KANK1: variants seen among roughly 807,000 people sequenced by gnomAD.
KANK1 encodes the protein KN motif and ankyrin repeat domains 1, also known as KN motif and ankyrin repeat domain-containing protein 1.
A neutral mutation model predicts 106.2 loss-of-function variants in KANK1; 109 were observed. The observed-to-expected ratio is 1.03, with a 90% CI of 0.88 to 1.20. The LOEUF (loss-of-function observed/expected upper bound fraction) is 1.20. Among genes scored for constraint, KANK1 ranks in the 50% most tolerant of loss-of-function variants. The pLI is 0.00. For missense variants in KANK1, 2,399 were observed against 1,710.7 expected, an observed-to-expected ratio of 1.40 and a Z score of -7.10; for synonymous variants, 873 against 652.2, an observed-to-expected ratio of 1.34 and a Z score of -5.16.
chr9:740,959 C>T, intron 9 of KANK1, 25 bp downstream of exon 9: 9 of 1,612,784 alleles, frequency 5.6e-6, no homozygotes, highest in Non-Finnish European at 7.6e-6. Flanking sequence ...TTCCTGTGCT[C>T]AGGAATGCAC....
In KANK1 at chr9:518,417, C is replaced by CTTAGTT. The variant is rs751368468; in HGVS notation, c.-84+13665_-84+13666insAGTTTT. Among the ~76,000 whole-genome samples, 5 of 151,722 alleles carry CTTAGTT rather than the reference C, an allele frequency of 3.3e-5. No individual in the cohort carries two copies. In the South Asian group the frequency reaches 6.2e-4, roughly 19 times the overall value. ...CCCCAGTGGCCCAGGGCAGTTTTTA[C>CTTAGTT]TTTACCGTTTCTTCCTGGCTTTTTA... On this transcript the variant is annotated intron_variant, in intron 1 of 11. Transcript: ENST00000382297.
chr9:538,604 G>A (rs2060428826), intron 1 of KANK1, among the ~76,000 whole-genome samples: 1 of 152,164 alleles, frequency 6.6e-6, no homozygotes, highest in South Asian at 2.1e-4. Context: ...TCAAACAGGT[G>A]GGTTTCAACA....
intron 7 of KANK1, among the ~76,000 whole-genome samples, chr9:737,674 G>C (rs1282248129): frequency 6.6e-6 from 1 of 152,214 alleles, no homozygotes; most frequent in African/African-American, 2.4e-5. Context: ...TTGAACAGTT[G>C]TATTTGGGAT....
At chr9:735,778 GA>G (rs1564117437) in intron 7 of KANK1, 5 of 419,278 alleles carry the variant, frequency 1.2e-5, no homozygotes, top group Middle Eastern at 3.7e-4. Context: ...TGGATCACAT[GA>G]GGTCTGGAGT....
intron 4 of KANK1, 116 bp from the exon 5 acceptor site, chr9:731,042 C>A (rs1412642613): frequency 2.0e-6 from 1 of 495,706 alleles, no homozygotes; most frequent in Non-Finnish European, 3.6e-6. Context: ...AAACTTCTCA[C>A]ATATATATGC....
In KANK1 at chr9:710,796, T is replaced by C. The variant is rs373722554; in HGVS notation, c.38-8T>C. 6.4e-7 allele frequency: 1 copy of C among 1,562,918 alleles called. No individual in the cohort carries two copies. Among genetic ancestry groups the C allele is most frequent in the Non-Finnish European group, 8.6e-7 (1 of 1,159,776 alleles). On this transcript the variant is annotated splice_region_variant and splice_polypyrimidine_tract_variant and intron_variant, in intron 2 of 11. Coordinates refer to ENST00000382297, the MANE Select transcript of KANK1 (RefSeq NM_015158.5). ...TGTCATTATAATATTCTTTTCTCCCTCTTCTAGGAAAAGCAGGTGATATTC... is the reference window on the plus strand; with the variant it reads ...TGTCATTATAATATTCTTTTCTCCCCCTTCTAGGAAAAGCAGGTGATATTC...
At chr9:734,682 AT>A in intron 6 of KANK1, 65 bp from the exon 7 acceptor site, 1 of 1,151,218 alleles carries the variant, frequency 8.7e-7, no homozygotes, top group East Asian at 2.4e-5. Context: ...AAAATTAGAT[AT>A]TTGGGTTGAA....
At chr9:551,765 G>A (rs1047424211) in intron 1 of KANK1, among the ~76,000 whole-genome samples, 1 of 151,992 alleles carries the variant, frequency 6.6e-6, no homozygotes, top group African/African-American at 2.4e-5. Context: ...ACAAAATAAG[G>A]GGCCAGGTGC....
intron 2 of KANK1, chr9:707,127 G>A: frequency 2.0e-6 from 2 of 985,470 alleles, no homozygotes; most frequent in Non-Finnish European, 2.4e-6. Context: ...AAGTTTACAC[G>A]AATGTTGAAA....
At chr9:743,432 G>A (rs1043109514) in intron 10 of KANK1, among the ~76,000 whole-genome samples, 1 of 152,242 alleles carries the variant, frequency 6.6e-6, no homozygotes, top group African/African-American at 2.4e-5. Flanking sequence ...TCTTCCAGAA[G>A]AGTTTGTTAG....
At chr9:541,484 A>G (rs916343641) in intron 1 of KANK1, among the ~76,000 whole-genome samples, 12 of 152,234 alleles carry the variant, frequency 7.9e-5, no homozygotes, top group African/African-American at 2.7e-4. Flanking sequence ...AAAATGGACT[A>G]AAGACTTAGT....
At chr9:732,090 A>G (rs900656847) in intron 5 of KANK1, 1 of 252,218 alleles carries the variant, frequency 4.0e-6, no homozygotes, top group Non-Finnish European at 7.8e-6. Flanking sequence ...TCTGTTTTCC[A>G]TAAAGTATGT....
rs138409045 is a variant in KANK1 at position 648,124 on chromosome 9, C to G, written c.-83-28766C>G. Among the ~76,000 whole-genome samples the G allele has an allele frequency of 4.9e-3, 739 of 149,648 alleles. 56 individuals are homozygous for G. The highest frequency in any genetic ancestry group is 0.018 in the African/African-American group (690 of 39,254). On this transcript the variant is annotated intron_variant, in intron 1 of 11. Transcript: ENST00000382297. ...GTTCAAGCAATTCTCCTGCCTCAGC[C>G]TCCCGAGTAGCTGGGACCACAGGCA...
intron 1 of KANK1, among the ~76,000 whole-genome samples, chr9:644,280 T>C (rs1335993528): frequency 1.3e-5 from 2 of 151,046 alleles, no homozygotes; most frequent in East Asian, 3.8e-4. Context: ...TAAATTGTTA[T>C]GGTCACTAAT....
intron 1 of KANK1, among the ~76,000 whole-genome samples, chr9:589,833 A>G (rs1373636064): frequency 6.6e-6 from 1 of 152,200 alleles, no homozygotes; most frequent in Non-Finnish European, 1.5e-5. Flanking sequence ...TGTGTGGGAA[A>G]TGGGCCAAGG....
rs543201420 is a variant in KANK1 at position 477,830 on chromosome 9, T to A, written c.-362+4557T>A. The A allele has an allele frequency of 6.0e-3, 913 of 152,488 alleles. 1 individual carries two copies. The highest frequency in any genetic ancestry group is 0.01 in the Non-Finnish European group (691 of 68,132). 9.4% of individuals were successfully genotyped at this position (152,488 alleles called of 1,614,324 possible). On this transcript the variant is annotated intron_variant, in intron 3 of 15. Transcript: ENST00000382303. ...TGCACATTTCTTCAGTCATACTACA[T>A]CTGGGTTCATCTAGCCACCTCTGCC...
chr9:492,801 G>A (rs1381100774), intron 3 of KANK1, among the ~76,000 whole-genome samples: 2 of 152,012 alleles, frequency 1.3e-5, no homozygotes, highest in Non-Finnish European at 2.9e-5. Context: ...GAGGCGGGTG[G>A]ATCACCTGAG....
At chr9:610,601 C>T (rs1360860712) in intron 1 of KANK1, among the ~76,000 whole-genome samples, 1 of 152,324 alleles carries the variant, frequency 6.6e-6, no homozygotes, top group East Asian at 1.9e-4. Flanking sequence ...TCCATGCCCC[C>T]TTGACTCTGA....
intron 6 of KANK1, 157 bp downstream of exon 6, chr9:732,774 G>A: frequency 1.3e-6 from 1 of 766,934 alleles, no homozygotes; most frequent in East Asian, 2.7e-5. Flanking sequence ...CAAGTGCAGA[G>A]TATTACAACT....
Sources: allele counts gnomAD v4.1 joint callset (sites outside exome capture counted in the v4.1 genomes callset), GRCh38; gene constraint gnomAD v4.1.1; transcripts MANE v1.5; gene names NCBI Gene and HGNC (gene_info 2026-07-23, HGNC 2026-07-21).